RITA1: variants seen among roughly 807,000 people sequenced by gnomAD.
The protein encoded by RITA1 is RBPJ interacting and tubulin associated 1, also known as RBPJ-interacting and tubulin-associated protein 1.
RITA1 carries 15 observed loss-of-function variants against 8.7 expected under a neutral mutation model. The observed-to-expected ratio is 1.72, with a 90% CI of 1.15 to 2.65. The LOEUF is 2.65. Among genes scored for constraint, RITA1 ranks in the 30% most tolerant of loss-of-function variants. The probability of loss-of-function intolerance (pLI) is 0.00; values close to 1 mark genes in which losing one functional copy is unlikely to be tolerated. For synonymous variants in RITA1, 145 were observed against 156.2 expected (o/e 0.93, Z 0.53); for missense variants, 330 against 363.8 (o/e 0.91, Z 0.76).
In RITA1 at chr12:113,185,974, G is replaced by A; in HGVS notation, c.-244G>A. ...TCCAGACCTGGTGGGAAGAAGGTGC[G>A]GGGACGGGTCCCTGAGGATCCCGAT... On this transcript the variant is annotated 5_prime_UTR_variant, in exon 1 of 4. Coordinates refer to ENST00000548278, the MANE Select transcript of RITA1 (RefSeq NM_032848.3). 5.2e-6 allele frequency: 8 copies of A among 1,535,628 alleles called. No homozygotes were observed. Among genetic ancestry groups the A allele is most frequent in the Non-Finnish European group, 7.0e-6 (8 of 1,146,536 alleles).
chr12:113,190,754 G>C (rs1313411712), intron 3 of RITA1, among the ~76,000 whole-genome samples: 1 of 152,216 alleles, frequency 6.6e-6, no homozygotes, highest in Admixed American at 6.5e-5. Flanking sequence ...CCAGGAGAAG[G>C]CATGTGGGGC....
rs2136333195 is a variant in RITA1 at position 113,186,936 on chromosome 12, A to G, written c.190A>G (p.Arg64Gly). The change falls in exon 3 of 4, where the codon AGA (arginine) becomes GGA (glycine). Residue 64 changes from arginine (R) to glycine (G), a missense_variant. By Grantham distance (125) the Arg-to-Gly change is moderately radical. Transcript: ENST00000548278. ...PPWVEKANRT[R>G]GVGKEASKAL... ...CTGGGTGGAGAAGGCTAACAGAACC[A>G]GAGGCGTGGGCAAGGAGGCATCGAA... 3.7e-6 allele frequency: 6 copies of G among 1,614,134 alleles called. No individual in the cohort carries two copies. Among genetic ancestry groups the G allele is most frequent in the Non-Finnish European group, 5.1e-6 (6 of 1,180,008 alleles).
chr12:113,186,927 A>T lies in RITA1; in HGVS notation c.181A>T (p.Asn61Tyr). 1 of 1,614,138 alleles carries T rather than the reference A, an allele frequency of 6.2e-7. No individual in the cohort carries two copies. The highest frequency in any genetic ancestry group is 1.6e-4 in the Middle Eastern group (1 of 6,062). Residue 61 changes from asparagine to tyrosine, a missense_variant, in exon 3 of 4, where the codon AAC becomes TAC. Asn to Tyr is a moderately radical substitution (Grantham distance 143). Transcript: ENST00000548278. The stretch of plus-strand genomic sequence containing the variant: ...CGATCCGCCCTGGGTGGAGAAGGCT[A>T]ACAGAACCAGAGGCGTGGGCAAGGA... ...DFDPPWVEKA[N>Y]RTRGVGKEAS...
chr12:113,186,134 T>A, intron 1 of RITA1, 51 bp from the exon 2 acceptor site: 5 of 1,467,850 alleles, frequency 3.4e-6, no homozygotes, highest in Non-Finnish European at 4.6e-6. Flanking sequence ...CCGATAGCAG[T>A]GTAGCCAAGT....
At position 113,191,475 on chromosome 12, in the gene RITA1, C is replaced by A; in HGVS notation, c.468C>A (p.Pro156=). 1 of 1,604,696 alleles carries A rather than the reference C, an allele frequency of 6.2e-7. No individual in the cohort carries two copies. ...PTPRGSHSPR[P]REAPLRAIHP... Reference sequence around the variant, plus strand: ...CCAGGGGTAGCCACTCGCCCCGCCCCAGGGAGGCACCACTGCGAGCCATTC... The same window carrying A: ...CCAGGGGTAGCCACTCGCCCCGCCCAAGGGAGGCACCACTGCGAGCCATTC... Residue 156 remains proline, a synonymous_variant, in exon 4 of 4, where the codon CCC becomes CCA. Coordinates refer to ENST00000548278, the MANE Select transcript of RITA1 (RefSeq NM_032848.3). The surrounding 1 kb of genome is among the most constrained non-coding windows in gnomAD (Gnocchi z 4.0).
chr12:113,190,331 CAGAAAAAAAA>C (rs1205349582), intron 3 of RITA1, among the ~76,000 whole-genome samples: 1 of 149,940 alleles, frequency 6.7e-6, no homozygotes, highest in Non-Finnish European at 1.5e-5. Flanking sequence ...GACTCTGTCT[CAGAAAAAAAA>C]AGAAAAAGAA....
In RITA1 at chr12:113,186,838, C is replaced by T. The variant is rs776557658; in HGVS notation, c.92C>T (p.Thr31Met). The T allele has an allele frequency of 3.1e-6, 5 of 1,613,984 alleles. No individual in the cohort carries two copies. Among genetic ancestry groups the T allele is most frequent in the Non-Finnish European group, 4.2e-6 (5 of 1,180,016 alleles). ...CRGGYRVKAR[T>M]SYVDETLFGS... ...GGTGGCTACCGGGTCAAGGCCAGGA[C>T]GTCATATGTGGATGAGACTCTGTTT... The change falls in exon 3 of 4, where the codon ACG becomes ATG. Residue 31 changes from threonine to methionine, a missense_variant. Physicochemically the swap from Thr to Met is moderately conservative, Grantham distance 81. Coordinates refer to ENST00000548278, the MANE Select transcript of RITA1 (RefSeq NM_032848.3).
At position 113,191,435 on chromosome 12, in the gene RITA1, C is replaced by G. The variant is rs150414529; in HGVS notation, c.428C>G (p.Thr143Arg). The G allele has an allele frequency of 3.7e-3, 5,941 of 1,608,454 alleles. 13 individuals are homozygous for G. Among genetic ancestry groups the G allele is most frequent in the Non-Finnish European group, 4.5e-3 (5,316 of 1,176,144 alleles). ...DAAKLRALLW[T>R]PPPTPRGSHS... is the part of the protein sequence containing the mutation. ...GCAAAGCTCCGTGCTCTCTTGTGGA[C>G]GCCACCACCTACCCCCAGGGGTAGC... Residue 143 changes from threonine (T) to arginine (R), a missense_variant, in exon 4 of 4, where the codon ACG becomes AGG. By Grantham distance (71) the Thr-to-Arg change is moderately conservative. Coordinates refer to ENST00000548278, the MANE Select transcript of RITA1 (RefSeq NM_032848.3). This position sits in a 1 kb window ranked among gnomAD's most constrained non-coding sequence, Gnocchi z 4.0.
At position 113,186,275 on chromosome 12, in the gene RITA1, G is replaced by A; in HGVS notation, c.-106G>A. 7.1e-7 allele frequency: 1 copy of A among 1,401,470 alleles called. No homozygotes were observed. Among genetic ancestry groups the A allele is most frequent in the Non-Finnish European group, 9.3e-7 (1 of 1,078,132 alleles). 86.8% of individuals were successfully genotyped at this position (1,401,470 alleles called of 1,614,324 possible). A position where few individuals can be genotyped will look rare whatever the true frequency, so the allele number is the denominator to read the frequency against. ...CGAAGCTACTTCACAGTGCTGTTGA[G>A]AGGATTAAATGAAACAATGCTTGTA... is the stretch of plus-strand genomic sequence containing the variant. On this transcript the variant is annotated 5_prime_UTR_variant, in exon 2 of 4. Transcript: ENST00000548278.
Position 113,191,935 on chromosome 12 carries a change from G to T in RITA1, c.*118G>T, listed in dbSNP as rs1359214429. The T allele has an allele frequency of 2.3e-6, 3 of 1,309,984 alleles. No homozygotes were observed. In the Admixed American group the frequency reaches 7.6e-5, roughly 33 times the overall value. The allele number at this position is 1,309,984 out of a possible 1,614,324, so 81.1% of individuals were successfully genotyped here. A position where few individuals can be genotyped will look rare whatever the true frequency, so the allele number is the denominator to read the frequency against. On this transcript the variant is annotated 3_prime_UTR_variant, in exon 4 of 4. Coordinates refer to ENST00000548278, the MANE Select transcript of RITA1 (RefSeq NM_032848.3). The surrounding 1 kb of genome is among the most constrained non-coding windows in gnomAD (Gnocchi z 4.0). ...TATTAAAGAAGCCCCTGTGGGGGCA[G>T]ACAGACATAGCAGGGGTGGGCAGTG...
At chr12:113,190,051 CG>C (rs1196068928) in intron 3 of RITA1, among the ~76,000 whole-genome samples, 2 of 140,788 alleles carry the variant, frequency 1.4e-5, no homozygotes, top group Non-Finnish European at 3.1e-5. Flanking sequence ...AAAAAAAGGC[CG>C]GGCGCAGTGA....
intron 3 of RITA1, among the ~76,000 whole-genome samples, chr12:113,190,158 C>T (rs976438694): frequency 6.6e-6 from 1 of 151,802 alleles, no homozygotes; most frequent in Non-Finnish European, 1.5e-5. Flanking sequence ...TGAAACCCCC[C>T]CCGTCTCTAC....
chr12:113,186,968 G>C lies in RITA1; in HGVS notation c.222G>C (p.Leu74Phe), dbSNP rs1952545647. The C allele has an allele frequency of 6.2e-7, 1 of 1,613,400 alleles. No individual in the cohort carries two copies. The highest frequency in any genetic ancestry group is 1.3e-5 in the African/African-American group (1 of 74,932). The stretch of plus-strand genomic sequence containing the variant: ...TGGGCAAGGAGGCATCGAAGGCCTT[G>C]GGGGCAAAGGGGAGCTGTGAGACCA... ...RGVGKEASKA[L>F]GAKGSCETTP... Residue 74 changes from leucine to phenylalanine, a missense_variant, in exon 3 of 4, where the codon TTG becomes TTC. Coordinates refer to ENST00000548278, the MANE Select transcript of RITA1 (RefSeq NM_032848.3).
At chr12:113,190,154 C>T (rs926529496) in intron 3 of RITA1, among the ~76,000 whole-genome samples, 1 of 151,278 alleles carries the variant, frequency 6.6e-6, no homozygotes, top group African/African-American at 2.4e-5. Context: ...ATGGTGAAAC[C>T]CCCCCCGTCT....
intron 3 of RITA1, among the ~76,000 whole-genome samples, chr12:113,187,699 A>G (rs1003633139): frequency 5.6e-5 from 8 of 144,068 alleles, no homozygotes; most frequent in Non-Finnish European, 1.0e-4. Context: ...AGAGATTGCA[A>G]TGAGCTGAGA....
Position 113,185,771 on chromosome 12 carries a change from G to A in RITA1, c.-447G>A. 1 of 610,600 alleles carries A rather than the reference G, an allele frequency of 1.6e-6. No homozygotes were observed. The highest frequency in any genetic ancestry group is 2.8e-6 in the Non-Finnish European group (1 of 351,208). The allele number at this position is 610,600 out of a possible 1,614,324, so 37.8% of individuals were successfully genotyped here. A position where few individuals can be genotyped will look rare whatever the true frequency, so the allele number is the denominator to read the frequency against. Reference sequence around the variant, plus strand: ...CTGGGTGCAAAGTGCTGGGTTCTGGGTTTCTGGATTCGCGGGCCGTTCACA... The same window carrying A: ...CTGGGTGCAAAGTGCTGGGTTCTGGATTTCTGGATTCGCGGGCCGTTCACA... On this transcript the variant is annotated 5_prime_UTR_variant, in exon 1 of 4. Coordinates refer to ENST00000548278, the MANE Select transcript of RITA1 (RefSeq NM_032848.3).
At chr12:113,189,937 T>C (rs1952581713) in intron 3 of RITA1, among the ~76,000 whole-genome samples, 1 of 150,780 alleles carries the variant, frequency 6.6e-6, no homozygotes, top group South Asian at 2.1e-4. Flanking sequence ...CTCTGGAGGC[T>C]GAAGTGGGAG....
Position 113,191,833 on chromosome 12 carries a change from G to A in RITA1, c.*16G>A. On this transcript the variant is annotated 3_prime_UTR_variant, in exon 4 of 4. Transcript: ENST00000548278. This position sits in a 1 kb window ranked among gnomAD's most constrained non-coding sequence, Gnocchi z 4.0. ...TTGGAAATGATACTCTTTCATCAGG[G>A]TTGCCTATGGGGCCACGGCGACAGG... 6.3e-7 allele frequency: 1 copy of A among 1,579,506 alleles called. No homozygotes were observed. The highest frequency in any genetic ancestry group is 8.6e-7 in the Non-Finnish European group (1 of 1,161,070).
chr12:113,185,891 G>C lies in RITA1; in HGVS notation c.-327G>C, dbSNP rs1952530091. ...GGGTCCGGGGCCCCAGGCATTCCGG[G>C]CTGCAGATTGACGGGGATCCCGGAT... On this transcript the variant is annotated 5_prime_UTR_variant, in exon 1 of 4. Transcript: ENST00000548278. The C allele has an allele frequency of 7.1e-7, 1 of 1,407,710 alleles. No homozygotes were observed. The highest frequency in any genetic ancestry group is 2.2e-5 in the Admixed American group (1 of 46,302). The allele number at this position is 1,407,710 out of a possible 1,614,324, so 87.2% of individuals were successfully genotyped here. A position where few individuals can be genotyped will look rare whatever the true frequency, so the allele number is the denominator to read the frequency against.
Sources: allele counts gnomAD v4.1 joint callset (sites outside exome capture counted in the v4.1 genomes callset), GRCh38; gene constraint gnomAD v4.1.1; non-coding constraint Gnocchi (gnomAD v3.1); transcripts MANE v1.5; gene names NCBI Gene and HGNC (gene_info 2026-07-23, HGNC 2026-07-21).